ME1: variants seen among roughly 807,000 people sequenced by gnomAD.
ME1 encodes NADP-dependent malic enzyme.
ME1 carries 74 observed loss-of-function variants against 66.4 expected under a neutral mutation model. The observed-to-expected ratio is 1.11, with a 90% confidence interval of 0.92 to 1.35. ME1 has a LOEUF of 1.35. Ranked by LOEUF, ME1 falls within the 40% of genes most tolerant of loss-of-function variation. The pLI, the probability that ME1 is intolerant of heterozygous loss-of-function variation, is 0.00. For synonymous variants in ME1, 251 were observed against 235.6 expected, an observed-to-expected ratio of 1.07 and a Z score of -0.60; for missense variants, 750 against 694.1, an observed-to-expected ratio of 1.08 and a Z score of -0.90.
intron 3 of ME1, among the ~76,000 whole-genome samples, chr6:83,357,935 C>CTCTCTCTCTATATA (rs1447805761): frequency 3.3e-5 from 1 of 30,038 alleles, no homozygotes; most frequent in Non-Finnish European, 5.9e-5. Context: ...CTCTCTCTCT[C>CTCTCTCTCTATATA]TATATATATA....
intron 6 of ME1, among the ~76,000 whole-genome samples, chr6:83,291,607 T>C (rs1767504527): frequency 6.6e-6 from 1 of 152,166 alleles, no homozygotes; most frequent in Admixed American, 6.5e-5. Flanking sequence ...CTCGGGTTGC[T>C]CTTCTTGAGG....
intron 6 of ME1, among the ~76,000 whole-genome samples, chr6:83,263,233 C>A (rs147787127): frequency 1.3e-5 from 2 of 152,292 alleles, no homozygotes; most frequent in Non-Finnish European, 2.9e-5. Flanking sequence ...ACACCCATGA[C>A]TCTCTCCTTC....
intron 3 of ME1, among the ~76,000 whole-genome samples, chr6:83,389,311 T>C (rs561159668): frequency 6.6e-6 from 1 of 152,264 alleles, no homozygotes; most frequent in South Asian, 2.1e-4. Context: ...AATTCTAAGT[T>C]ACAATTTCTC....
intron 6 of ME1, among the ~76,000 whole-genome samples, chr6:83,278,672 T>G (rs1271221066): frequency 6.6e-6 from 1 of 152,038 alleles, no homozygotes; most frequent in Non-Finnish European, 1.5e-5. Context: ...TTGCCCAGGC[T>G]GGTCTTGAAC....
At chr6:83,364,485 T>C (rs1769062189) in intron 3 of ME1, among the ~76,000 whole-genome samples, 1 of 152,184 alleles carries the variant, frequency 6.6e-6, no homozygotes, top group Non-Finnish European at 1.5e-5. Flanking sequence ...TTTTGGTACA[T>C]ATCCCAAACT....
rs570700760 is a variant in ME1 at position 83,391,885 on chromosome 6, C to T, written c.362+6482G>A. ...TCCAATGAGACCCACAGTGTCCACT[C>T]TGTTTAAAATTACAACTGCCTCCTG... is the stretch of plus-strand genomic sequence containing the variant. On this transcript the variant is annotated intron_variant, in intron 3 of 13. Transcript: ENST00000369705. Among the ~76,000 whole-genome samples the T allele has an allele frequency of 3.3e-4, 50 of 152,340 alleles. No homozygotes were observed. In the East Asian group the frequency reaches 8.1e-3, roughly 25 times the overall value.
intron 6 of ME1, among the ~76,000 whole-genome samples, chr6:83,271,763 G>A (rs950443637): frequency 1.3e-5 from 2 of 151,816 alleles, no homozygotes; most frequent in East Asian, 3.9e-4. Context: ...CACATACCAA[G>A]GAATGTAAAG....
intron 5 of ME1, among the ~76,000 whole-genome samples, chr6:83,333,383 A>T (rs1276317616): frequency 6.6e-6 from 1 of 152,216 alleles, no homozygotes; most frequent in Non-Finnish European, 1.5e-5. Flanking sequence ...ATGAACTCAT[A>T]GACTCAGTCA....
intron 11 of ME1, among the ~76,000 whole-genome samples, chr6:83,226,886 T>G (rs951308897): frequency 8.5e-5 from 13 of 152,298 alleles, no homozygotes; most frequent in Admixed American, 4.6e-4. Context: ...CCAGTCTGGC[T>G]GGATGTCAAG....
At chr6:83,316,835 A>G (rs1415652099) in intron 5 of ME1, among the ~76,000 whole-genome samples, 1 of 152,088 alleles carries the variant, frequency 6.6e-6, no homozygotes, top group Non-Finnish European at 1.5e-5. Flanking sequence ...CCAGCCCAAA[A>G]TGCAAAATTC....
intron 6 of ME1, among the ~76,000 whole-genome samples, chr6:83,302,812 C>T (rs551121773): frequency 2.6e-5 from 4 of 152,030 alleles, no homozygotes; most frequent in East Asian, 1.9e-4. Flanking sequence ...AAAGGATACA[C>T]GGAGGGGTGG....
intron 5 of ME1, among the ~76,000 whole-genome samples, chr6:83,326,086 A>G (rs1768285017): frequency 6.6e-6 from 1 of 152,200 alleles, no homozygotes; most frequent in Non-Finnish European, 1.5e-5. Flanking sequence ...GAGGCCTCAG[A>G]AATAACACCA....
intron 3 of ME1, among the ~76,000 whole-genome samples, chr6:83,391,832 T>C (rs1355010414): frequency 6.6e-6 from 1 of 152,094 alleles, no homozygotes. Flanking sequence ...TCTACATGAC[T>C]TCCTCCCCAA....
intron 2 of ME1, among the ~76,000 whole-genome samples, chr6:83,406,971 T>C (rs914438292): frequency 4.9e-5 from 7 of 143,972 alleles, no homozygotes; most frequent in Admixed American, 1.4e-4. Context: ...TTTTCATTCA[T>C]ACACACACAC....
intron 6 of ME1, among the ~76,000 whole-genome samples, chr6:83,297,328 A>G (rs760323644): frequency 6.6e-6 from 1 of 152,218 alleles, no homozygotes; most frequent in Non-Finnish European, 1.5e-5. Flanking sequence ...ACAAATAGAA[A>G]AACATTCCAT....
intron 6 of ME1, among the ~76,000 whole-genome samples, chr6:83,264,366 G>A (rs1766949780): frequency 6.6e-6 from 1 of 152,096 alleles, no homozygotes; most frequent in Non-Finnish European, 1.5e-5. Flanking sequence ...TCATGCCTGC[G>A]AACACAACAT....
chr6:83,417,696 A>G (rs934421549), intron 1 of ME1, among the ~76,000 whole-genome samples: 1 of 152,154 alleles, frequency 6.6e-6, no homozygotes, highest in Admixed American at 6.6e-5. Context: ...TTTTAATAAC[A>G]TGAACAGGCA....
chr6:83,289,364 T>C (rs1013497196), intron 6 of ME1, among the ~76,000 whole-genome samples: 9 of 152,256 alleles, frequency 5.9e-5, no homozygotes, highest in Non-Finnish European at 1.2e-4. Flanking sequence ...CATGAAAGGC[T>C]GTTGAATATT....
intron 5 of ME1, among the ~76,000 whole-genome samples, chr6:83,323,399 CA>C (rs1183314362): frequency 6.6e-6 from 1 of 151,986 alleles, no homozygotes; most frequent in Non-Finnish European, 1.5e-5. Flanking sequence ...GTGCTGTATT[CA>C]GGAGACTTAT....
Sources: gnomAD v4.1 joint callset for allele counts (sites outside exome capture counted in the v4.1 genomes callset) on GRCh38, gnomAD v4.1.1 for gene constraint, MANE v1.5 for transcripts, NCBI Gene and HGNC (gene_info 2026-07-23, HGNC 2026-07-21) for gene names.